RDH8: variants seen among roughly 807,000 people sequenced by gnomAD.
RDH8 encodes the protein photoreceptor outer segment all-trans retinol dehydrogenase.
A neutral mutation model predicts 22.3 loss-of-function variants in RDH8; 14 were observed. That is an observed-to-expected ratio of 0.63 (90% confidence interval 0.42 to 0.98). The LOEUF (loss-of-function observed/expected upper bound fraction) is 0.98. Ranked by LOEUF, RDH8 falls within the 50% of genes least tolerant of loss-of-function variation. RDH8 has a pLI of 0.00. For synonymous variants in RDH8, 175 were observed against 171.7 expected (o/e 1.02, Z -0.15); for missense variants, 389 against 409.8 (o/e 0.95, Z 0.44).
At position 10,021,591 on chromosome 19, in the gene RDH8, C is replaced by T; in HGVS notation, c.778C>T (p.Arg260Cys). Residue 260 changes from arginine (R) to cysteine (C), a missense_variant, in exon 6 of 6, where the codon CGC (arginine) becomes TGC (cysteine). Physicochemically the swap from Arg to Cys is radical, Grantham distance 180 (BLOSUM62 -3). Coordinates refer to ENST00000591589, the MANE Select transcript of RDH8 (RefSeq NM_015725.4). ...ACCCCTGCGCCGACAGACCAACATC[C>T]GCTACTCGCCGCTGACCACGCTCAA... Reference protein sequence around the residue: ...RPPLRRQTNIRYSPLTTLKTV... With the variant: ...RPPLRRQTNICYSPLTTLKTV... 8 of 1,614,172 alleles carry T rather than the reference C, an allele frequency of 5.0e-6. No individual in the cohort carries two copies. The highest frequency in any genetic ancestry group is 2.7e-5 in the African/African-American group (2 of 75,040).
intron 1 of RDH8, among the ~76,000 whole-genome samples, chr19:10,016,759 A>G (rs2145165774): frequency 6.6e-6 from 1 of 152,310 alleles, no homozygotes. Flanking sequence ...GGCTTGAGCC[A>G]CCACACCTGG....
intron 3 of RDH8, 38 bp from the exon 4 acceptor site, chr19:10,020,671 A>T: frequency 2.1e-6 from 3 of 1,430,264 alleles, no homozygotes; most frequent in Non-Finnish European, 2.9e-6. Context: ...CCCACCTCCC[A>T]GACCCTCAAA....
intron 1 of RDH8, among the ~76,000 whole-genome samples, 189 bp downstream of exon 1, chr19:10,013,789 A>C (rs908983016): frequency 2.0e-5 from 3 of 152,154 alleles, no homozygotes; most frequent in African/African-American, 7.2e-5. Context: ...CTGGCAACAC[A>C]ACTGGAGATG....
At chr19:10,013,699 G>T in intron 1 of RDH8, 99 bp downstream of exon 1, 1 of 1,286,590 alleles carries the variant, frequency 7.8e-7, no homozygotes, top group Non-Finnish European at 1.1e-6. Flanking sequence ...TTGTGGGCTT[G>T]GGGAGACCCA....
At chr19:10,019,105 T>C (rs549600038) in intron 3 of RDH8, among the ~76,000 whole-genome samples, 195 bp downstream of exon 3, 1 of 152,208 alleles carries the variant, frequency 6.6e-6, no homozygotes, top group South Asian at 2.1e-4. Context: ...GAGACCAGCC[T>C]GGGCAACATG....
At position 10,021,764 on chromosome 19, in the gene RDH8, C is replaced by T. The variant is rs376056670; in HGVS notation, c.*15C>T. ...GGCCAAGATGAGCAGAACAGAGCTT[C>T]ACGATCCCCATCCCTGAACAACCAG... On this transcript the variant is annotated 3_prime_UTR_variant, in exon 6 of 6. Transcript: ENST00000591589. 4.3e-6 allele frequency: 7 copies of T among 1,609,830 alleles called. No individual in the cohort carries two copies. Among genetic ancestry groups the T allele is most frequent in the Non-Finnish European group, 5.9e-6 (7 of 1,177,826 alleles).
At chr19:10,014,608 G>T (rs2087595332) in intron 1 of RDH8, among the ~76,000 whole-genome samples, 1 of 152,036 alleles carries the variant, frequency 6.6e-6, no homozygotes, top group Non-Finnish European at 1.5e-5. Context: ...GGTGCATCTT[G>T]GCTCACTGCA....
intron 1 of RDH8, among the ~76,000 whole-genome samples, chr19:10,015,539 G>T (rs1212386719): frequency 6.6e-6 from 1 of 151,866 alleles, no homozygotes; most frequent in East Asian, 1.9e-4. Flanking sequence ...TAAGGCAGGA[G>T]AATTGCTTGA....
chr19:10,020,283 C>T (rs2087647164), intron 3 of RDH8, among the ~76,000 whole-genome samples: 1 of 132,804 alleles, frequency 7.5e-6, no homozygotes, highest in Admixed American at 8.8e-5. Context: ...GACTGCAGAA[C>T]AGAGCAACAC....
intron 1 of RDH8, among the ~76,000 whole-genome samples, chr19:10,013,824 A>G (rs73925205): frequency 0.03 from 4,582 of 152,244 alleles, 244 homozygotes; most frequent in African/African-American, 0.11. Flanking sequence ...CTCAGCCCTC[A>G]GGACGGGTGT....
intron 2 of RDH8, among the ~76,000 whole-genome samples, chr19:10,017,716 G>A (rs779600173): frequency 4.5e-4 from 68 of 151,962 alleles, no homozygotes; most frequent in Non-Finnish European, 9.1e-4. Context: ...GCGTGATCTC[G>A]GCTCACTGCA....
chr19:10,021,036 G>C, intron 4 of RDH8: 1 of 626,536 alleles, frequency 1.6e-6, no homozygotes, highest in South Asian at 2.0e-5. Flanking sequence ...AGCCAAGGGT[G>C]GTGGTGTGTG....
Position 10,021,863 on chromosome 19 carries a change from C to T in RDH8, c.*114C>T. 8.2e-6 allele frequency: 9 copies of T among 1,091,634 alleles called. No individual in the cohort carries two copies. The South Asian group carries it at 1.2e-4, about 15-fold the overall frequency. The allele number at this position is 1,091,634 out of a possible 1,614,324, so 67.6% of individuals were successfully genotyped here. ...ATTCATTCTGCAAACTCCCCCTCCC[C>T]TCCTCTGTGCCTAGACATGGCTAGA... On this transcript the variant is annotated 3_prime_UTR_variant, in exon 6 of 6. Transcript: ENST00000591589.
In RDH8 at chr19:10,022,173, G is replaced by T. The variant is rs902504936; in HGVS notation, c.*424G>T. The T allele has an allele frequency of 5.6e-5, 10 of 177,344 alleles. No individual in the cohort carries two copies. The highest frequency in any genetic ancestry group is 1.1e-4 in the Non-Finnish European group (9 of 83,222). 11.0% of individuals were successfully genotyped at this position (177,344 alleles called of 1,614,324 possible). A position where few individuals can be genotyped will look rare whatever the true frequency, so the allele number is the denominator to read the frequency against. On this transcript the variant is annotated 3_prime_UTR_variant, in exon 6 of 6. Transcript: ENST00000591589. ...TCCATGCATACACCAGAGCTCTGTG[G>T]ACCAAGGGGTCATTCCTGGTCACAC...
At chr19:10,020,346 G>GAGGT in intron 3 of RDH8, among the ~76,000 whole-genome samples, 1 of 142,330 alleles carries the variant, frequency 7.0e-6, no homozygotes, top group African/African-American at 2.6e-5. Flanking sequence ...AGGAAGGAGG[G>GAGGT]AGGGAGGGAG....
chr19:10,020,820 G>A lies in RDH8; in HGVS notation c.536+18G>A, dbSNP rs771489885. On this transcript the variant is annotated intron_variant, in intron 4 of 5. Coordinates refer to ENST00000591589, the MANE Select transcript of RDH8 (RefSeq NM_015725.4). ...AACATCTTGTGAGGCGGGCACGTGGGCAGAGGGGGCTTGGAGCCAGTGATG... is the reference window on the plus strand; with the variant it reads ...AACATCTTGTGAGGCGGGCACGTGGACAGAGGGGGCTTGGAGCCAGTGATG... 6.3e-6 allele frequency: 10 copies of A among 1,580,682 alleles called. No individual in the cohort carries two copies. Among genetic ancestry groups the A allele is most frequent in the African/African-American group, 1.3e-5 (1 of 74,400 alleles).
intron 2 of RDH8, 98 bp from the exon 3 acceptor site, chr19:10,018,633 G>T: frequency 3.2e-6 from 3 of 949,288 alleles, no homozygotes; most frequent in Non-Finnish European, 4.7e-6. Context: ...GACTGGCCTT[G>T]GACTTGGAGT....
Position 10,021,611 on chromosome 19 carries a change from G to A in RDH8, c.798G>A (p.Thr266=), listed in dbSNP as rs771576030. The A allele has an allele frequency of 6.8e-6, 11 of 1,613,464 alleles. No individual in the cohort carries two copies. Among genetic ancestry groups the A allele is most frequent in the Non-Finnish European group, 8.5e-6 (10 of 1,179,576 alleles). Residue 266 remains threonine, a synonymous_variant, in exon 6 of 6, where the codon ACG becomes ACA. Transcript: ENST00000591589. ...QTNIRYSPLT[T]LKTVDSSGSL... ...ACATCCGCTACTCGCCGCTGACCAC[G>A]CTCAAAACCGTGGATTCCTCTGGCA...
chr19:10,018,680 T>C (rs2087637142), intron 2 of RDH8, 51 bp from the exon 3 acceptor site: 3 of 1,455,754 alleles, frequency 2.1e-6, no homozygotes, highest in Non-Finnish European at 2.8e-6. Context: ...CTAGAAGTAA[T>C]GCTAGAAGAG....
Sources: allele counts gnomAD v4.1 joint callset (sites outside exome capture counted in the v4.1 genomes callset), GRCh38; gene constraint gnomAD v4.1.1; transcripts MANE v1.5; gene names NCBI Gene and HGNC (gene_info 2026-07-23, HGNC 2026-07-21).